The following MTHFD1L variants were observed in gnomAD, a reference collection of about 807,000 sequenced individuals.
The protein encoded by MTHFD1L is monofunctional C1-tetrahydrofolate synthase, mitochondrial.
Under a neutral mutation model 119.5 loss-of-function variants are expected in MTHFD1L, and 81 were observed. The ratio of observed to expected loss-of-function variants is 0.68; its 90% CI spans 0.57 to 0.82. The LOEUF is 0.82. MTHFD1L is among the 40% of genes least tolerant of loss of function. MTHFD1L has a pLI of 0.00. For missense variants in MTHFD1L, 1,125 were observed against 1,253.4 expected, an observed-to-expected ratio of 0.90 and a Z score of 1.55; for synonymous variants, 430 against 475.2, an observed-to-expected ratio of 0.90 and a Z score of 1.24.
intron 14 of MTHFD1L, among the ~76,000 whole-genome samples, chr6:150,945,160 A>T (rs1562429102): frequency 1.3e-5 from 2 of 152,244 alleles, no homozygotes; most frequent in Non-Finnish European, 2.9e-5. Flanking sequence ...CTTTAATTAA[A>T]GTAGTTCCTT....
At chr6:150,963,877 A>G (rs1374984866) in intron 18 of MTHFD1L, among the ~76,000 whole-genome samples, 2 of 152,198 alleles carry the variant, frequency 1.3e-5, no homozygotes, top group East Asian at 3.9e-4. Context: ...TGGGAAAAAA[A>G]GAAACAAAGG....
intron 1 of MTHFD1L, among the ~76,000 whole-genome samples, chr6:150,874,498 G>A (rs943189537): frequency 5.9e-5 from 9 of 152,190 alleles, no homozygotes; most frequent in Non-Finnish European, 8.8e-5. Flanking sequence ...GCAGTGTACC[G>A]TTGATGGCAT....
intron 26 of MTHFD1L, chr6:151,041,930 T>G (rs200550630): frequency 1.5e-4 from 60 of 411,440 alleles, no homozygotes; most frequent in Non-Finnish European, 2.2e-4. Context: ...CTTCTAAATA[T>G]TTACTTTTAC....
chr6:150,982,600 A>G (rs1777684668), intron 20 of MTHFD1L, among the ~76,000 whole-genome samples: 1 of 152,206 alleles, frequency 6.6e-6, no homozygotes, highest in Non-Finnish European at 1.5e-5. Context: ...GCAACAACTT[A>G]ATAGATAAAG....
chr6:151,075,693 A>G (rs978993507), intron 26 of MTHFD1L, among the ~76,000 whole-genome samples: 2 of 152,194 alleles, frequency 1.3e-5, no homozygotes, highest in Admixed American at 1.3e-4. Context: ...CATTTGCCAA[A>G]ATAGACCATA....
In MTHFD1L at chr6:151,036,930, G is replaced by A. The variant is rs113524578; in HGVS notation, c.2695-35G>A. On this transcript the variant is annotated intron_variant, in intron 25 of 27. Transcript: ENST00000367321. Reference sequence around the variant, plus strand: ...TGAAAAGCACAGGAGACTAACATCTGTATCAGTGAACACATTTTCTTTCCT... The same window carrying A: ...TGAAAAGCACAGGAGACTAACATCTATATCAGTGAACACATTTTCTTTCCT... 1.6e-3 allele frequency: 2,559 copies of A among 1,610,394 alleles called. 24 individuals carry two copies. The African/African-American group carries it at 0.025, about 16-fold the overall frequency.
rs1444366077 is a variant in MTHFD1L, at chr6:150,906,239, C to T, written c.892+478C>T. On this transcript the variant is annotated intron_variant, in intron 8 of 27. Coordinates refer to ENST00000367321, the MANE Select transcript of MTHFD1L (RefSeq NM_015440.5). ...CCCATGAAGCACATCCTTGGAGCCCCAGAGTCATCTCAGAACAGTATGAAA... is the reference window on the plus strand; with the variant it reads ...CCCATGAAGCACATCCTTGGAGCCCTAGAGTCATCTCAGAACAGTATGAAA... Among the ~76,000 whole-genome samples the T allele has an allele frequency of 2.0e-5, 3 of 152,170 alleles. No individual in the cohort carries two copies. The East Asian group carries it at 5.8e-4, about 29-fold the overall frequency.
chr6:151,044,064 G>A (rs1374017775), intron 26 of MTHFD1L, among the ~76,000 whole-genome samples: 1 of 152,138 alleles, frequency 6.6e-6, no homozygotes, highest in Admixed American at 6.5e-5. Flanking sequence ...GCCATGTAGG[G>A]CACCTCTGGG....
intron 16 of MTHFD1L, among the ~76,000 whole-genome samples, chr6:150,951,678 A>G (rs758416003): frequency 1.3e-5 from 2 of 152,212 alleles, no homozygotes; most frequent in Non-Finnish European, 2.9e-5. Flanking sequence ...TAAATAATGG[A>G]CATGAATACT....
intron 16 of MTHFD1L, among the ~76,000 whole-genome samples, chr6:150,950,723 G>A (rs916018554): frequency 1.3e-5 from 2 of 152,158 alleles, no homozygotes; most frequent in Non-Finnish European, 2.9e-5. Flanking sequence ...AGGCTGAAGT[G>A]CAGTGGTGCG....
chr6:150,887,061 A>G (rs1782446892), intron 6 of MTHFD1L, among the ~76,000 whole-genome samples: 1 of 152,124 alleles, frequency 6.6e-6, no homozygotes, highest in Non-Finnish European at 1.5e-5. Context: ...CAGTTTGAAT[A>G]GAAATGAAGC....
At chr6:150,952,701 T>C (rs1018183138) in intron 16 of MTHFD1L, among the ~76,000 whole-genome samples, 5 of 152,138 alleles carry the variant, frequency 3.3e-5, no homozygotes, top group African/African-American at 9.7e-5. Context: ...AGCTAATTTT[T>C]GTATTTTTAG....
Position 151,044,434 on chromosome 6 carries a change from T to C in MTHFD1L, c.2847+7317T>C, listed in dbSNP as rs557497784. Reference sequence around the variant, plus strand: ...CTCCTGCCTCAGCCTCCCGAGTAGCTGGGATTACAGGTGGCCGCCACTACG... The same window carrying C: ...CTCCTGCCTCAGCCTCCCGAGTAGCCGGGATTACAGGTGGCCGCCACTACG... On this transcript the variant is annotated intron_variant, in intron 26 of 27. Coordinates refer to ENST00000367321, the MANE Select transcript of MTHFD1L (RefSeq NM_015440.5). 1.4e-4 allele frequency among the ~76,000 whole-genome samples: 21 copies of C among 151,872 alleles called. 1 individual carries two copies. The East Asian group carries it at 4.1e-3, about 30-fold the overall frequency.
intron 18 of MTHFD1L, among the ~76,000 whole-genome samples, chr6:150,961,127 T>C (rs1035698356): frequency 6.7e-5 from 10 of 148,924 alleles, no homozygotes; most frequent in African/African-American, 2.2e-4. Flanking sequence ...ACAGTCTGGC[T>C]CTGTTGCCCA....
rs142116222 is a variant in MTHFD1L, at chr6:151,037,088, G to T, written c.2818G>T (p.Ala940Ser). Reference sequence around the variant, plus strand: ...CAGTGACGTCCGGGCCAGCATAGGCGCTGGGTTCATTTACCCTTTGGTCGG... The same window carrying T: ...CAGTGACGTCCGGGCCAGCATAGGCTCTGGGTTCATTTACCCTTTGGTCGG... Reference protein sequence around the residue: ...PISDVRASIGAGFIYPLVGTM... With the variant: ...PISDVRASIGSGFIYPLVGTM... Residue 940 changes from alanine to serine, a missense_variant, in exon 26 of 28, where the codon GCT becomes TCT. Ala to Ser is a moderately conservative substitution (Grantham distance 99). This residue lies in a region of MTHFD1L where 61 missense variants were observed against 78.9 expected (regional missense o/e 0.77). Transcript: ENST00000367321. 21 of 1,611,846 alleles carry T rather than the reference G, an allele frequency of 1.3e-5. No homozygotes were observed. Among genetic ancestry groups the T allele is most frequent in the South Asian group, 2.2e-5 (2 of 90,994 alleles).
chr6:151,064,816 G>A (rs1354275408), intron 26 of MTHFD1L, among the ~76,000 whole-genome samples: 1 of 139,922 alleles, frequency 7.1e-6, no homozygotes, highest in Non-Finnish European at 1.6e-5. Flanking sequence ...TTGTTTTTTT[G>A]TTTTGAGATG....
intron 11 of MTHFD1L, among the ~76,000 whole-genome samples, chr6:150,930,971 A>G (rs537557414): frequency 5.8e-4 from 89 of 152,362 alleles, no homozygotes; most frequent in Admixed American, 1.3e-3. Context: ...GACAAAATGA[A>G]AAGTATTGGG....
intron 21 of MTHFD1L, among the ~76,000 whole-genome samples, 198 bp downstream of exon 21, chr6:151,010,156 A>G (rs559577905): frequency 6.6e-5 from 10 of 152,146 alleles, no homozygotes; most frequent in African/African-American, 2.4e-4. Context: ...TTTTTTCCCA[A>G]CACCACCATA....
intron 26 of MTHFD1L, among the ~76,000 whole-genome samples, chr6:151,087,678 C>A (rs1339559916): frequency 6.6e-6 from 1 of 152,092 alleles, no homozygotes; most frequent in African/African-American, 2.4e-5. Flanking sequence ...CAGCTTATAC[C>A]AAGGATATTC....
Sources: allele counts gnomAD v4.1 joint callset (sites outside exome capture counted in the v4.1 genomes callset), GRCh38; gene constraint gnomAD v4.1.1; regional missense constraint gnomAD v4.1.1; transcripts MANE v1.5; gene names NCBI Gene and HGNC (gene_info 2026-07-23, HGNC 2026-07-21).